The following FAT3 variants were observed in gnomAD, a reference collection of about 807,000 sequenced individuals.
The protein encoded by FAT3 is protocadherin Fat 3.
In FAT3, 95 loss-of-function variants were observed where a neutral mutation model predicts 310.2. That is an observed-to-expected ratio of 0.31 (90% CI 0.26 to 0.36). The LOEUF is 0.36. Among genes scored for constraint, FAT3 ranks in the 10% least tolerant of loss-of-function variants. FAT3 has a pLI of 1.00. For synonymous variants in FAT3, 2,314 were observed against 2,192.9 expected, an observed-to-expected ratio of 1.06 and a Z score of -1.54; for missense variants, 5,408 against 5,715.6, an observed-to-expected ratio of 0.95 and a Z score of 1.74.
chr11:92,757,620 A>T (rs1253087359), intron 4 of FAT3, among the ~76,000 whole-genome samples: 2 of 152,194 alleles, frequency 1.3e-5, no homozygotes, highest in Non-Finnish European at 1.5e-5. Context: ...TGATTCCATT[A>T]ATCATTGTTG....
At chr11:92,803,420 C>A (rs745453288) in intron 10 of FAT3, among the ~76,000 whole-genome samples, 6 of 152,182 alleles carry the variant, frequency 3.9e-5, no homozygotes, top group Non-Finnish European at 8.8e-5. Context: ...TTTTATGTAA[C>A]AAAAGAACAC....
intron 3 of FAT3, among the ~76,000 whole-genome samples, chr11:92,632,487 C>T (rs1054420738): frequency 2.0e-5 from 3 of 152,220 alleles, no homozygotes; most frequent in Non-Finnish European, 2.9e-5. Flanking sequence ...GGATAATCAC[C>T]ACCTGAAAAT....
At chr11:92,372,820 C>T (rs1207769313) in intron 2 of FAT3, among the ~76,000 whole-genome samples, 1 of 151,998 alleles carries the variant, frequency 6.6e-6, no homozygotes, top group Non-Finnish European at 1.5e-5. Flanking sequence ...GCCACCACGC[C>T]CGGCTAATTT....
At position 92,355,752 on chromosome 11, in the gene FAT3, T is replaced by C. The variant is rs377496886; in HGVS notation, c.3292+348T>C. On this transcript the variant is annotated intron_variant, in intron 2 of 27. Transcript: ENST00000525166. ...AAATGAAGGACTCTGATAAAGTAAA[T>C]TACATTTGAATTGGCTTTAAGTTAG... 2.6e-5 allele frequency among the ~76,000 whole-genome samples: 4 copies of C among 152,336 alleles called. No individual in the cohort carries two copies. The East Asian group carries it at 7.7e-4, about 29-fold the overall frequency.
At chr11:92,705,644 T>TAG (rs145584143) in intron 4 of FAT3, among the ~76,000 whole-genome samples, 1 of 124 alleles carries the variant, frequency 8.1e-3, no homozygotes, top group Admixed American at 0.071. Flanking sequence ...GTGATGGTGG[T>TAG]TGGTGGTGTG....
chr11:92,769,168 C>G, intron 6 of FAT3, among the ~76,000 whole-genome samples: 1 of 152,152 alleles, frequency 6.6e-6, no homozygotes, highest in East Asian at 1.9e-4. Context: ...TCTTGTGCCT[C>G]CAAGGAGACC....
chr11:92,370,524 T>TGG lies in FAT3; in HGVS notation c.3292+15120_3292+15121insGG, dbSNP rs1949156384. ...TTCTTTCTTACACCTTGAGGATACT[T>TGG]CTAATAGAATATTTGGTTAATAAAG... On this transcript the variant is annotated intron_variant, in intron 2 of 27. Transcript: ENST00000525166. 2.6e-5 allele frequency among the ~76,000 whole-genome samples: 4 copies of TGG among 152,318 alleles called. No homozygotes were observed. The South Asian group carries it at 8.3e-4, about 32-fold the overall frequency.
At chr11:92,320,795 A>C (rs1021861281) in intron 1 of FAT3, among the ~76,000 whole-genome samples, 1 of 150,134 alleles carries the variant, frequency 6.7e-6, no homozygotes, top group Non-Finnish European at 1.5e-5. Flanking sequence ...ACTTGAACCC[A>C]GGAGGCAGAG....
chr11:92,763,342 AT>A (rs1946211456), intron 5 of FAT3, among the ~76,000 whole-genome samples: 1 of 152,118 alleles, frequency 6.6e-6, no homozygotes, highest in African/African-American at 2.4e-5. Flanking sequence ...GAGAAAAAAA[AT>A]ATAGTAAAAC....
At chr11:92,366,538 T>G in intron 2 of FAT3, 2 of 493,110 alleles carry the variant, frequency 4.1e-6, no homozygotes, top group South Asian at 3.1e-5. Context: ...CTTCCATGGC[T>G]TTACCGATCA....
chr11:92,578,172 A>G (rs1056719030), intron 3 of FAT3, among the ~76,000 whole-genome samples: 1 of 151,908 alleles, frequency 6.6e-6, no homozygotes, highest in African/African-American at 2.4e-5. Context: ...GAAAGTAACA[A>G]TTTGAGTTTT....
chr11:92,563,963 A>T (rs1955334668), intron 3 of FAT3, among the ~76,000 whole-genome samples: 1 of 152,140 alleles, frequency 6.6e-6, no homozygotes, highest in Non-Finnish European at 1.5e-5. Flanking sequence ...CGAGACTAGG[A>T]AGAAACTGCA....
At chr11:92,474,995 G>T (rs182794448) in intron 2 of FAT3, among the ~76,000 whole-genome samples, 1 of 152,176 alleles carries the variant, frequency 6.6e-6, no homozygotes, top group East Asian at 1.9e-4. Flanking sequence ...TGGGCACATT[G>T]CCCTTCCCAC....
intron 4 of FAT3, among the ~76,000 whole-genome samples, chr11:92,704,610 TAC>T (rs1360910460): frequency 6.6e-6 from 1 of 152,096 alleles, no homozygotes; most frequent in Admixed American, 6.6e-5. Flanking sequence ...CACAGATATG[TAC>T]AGAGGGAAGG....
chr11:92,285,883 G>C (rs553138626), intron 1 of FAT3, among the ~76,000 whole-genome samples: 33 of 152,224 alleles, frequency 2.2e-4, no homozygotes, highest in African/African-American at 7.7e-4. Context: ...TGTATATTTT[G>C]TTTTCTAGAA....
chr11:92,569,992 T>C (rs796459770), intron 3 of FAT3, among the ~76,000 whole-genome samples: 21 of 152,316 alleles, frequency 1.4e-4, no homozygotes, highest in African/African-American at 5.1e-4. Context: ...GTATGTATTC[T>C]TTCATTGTCT....
chr11:92,792,745 ACTT>A lies in FAT3; in HGVS notation c.4612-18_4612-16del, dbSNP rs1565597114. 6.2e-6 allele frequency: 10 copies of A among 1,610,214 alleles called. No individual in the cohort carries two copies. The South Asian group carries it at 1.1e-4, about 18-fold the overall frequency. On this transcript the variant is annotated intron_variant, in intron 8 of 27. Coordinates refer to ENST00000525166, the MANE Select transcript of FAT3 (RefSeq NM_001367949.2). ...TGCAATTTAAAATTTGAGTCCCACCACTTCTTGTATTTTGCCTAAAGGTCAGAG... is the reference window on the plus strand; with the variant it reads ...TGCAATTTAAAATTTGAGTCCCACCACTTGTATTTTGCCTAAAGGTCAGAG...
At chr11:92,829,719 A>G (rs1444761928) in intron 13 of FAT3, among the ~76,000 whole-genome samples, 1 of 152,224 alleles carries the variant, frequency 6.6e-6, no homozygotes, top group Non-Finnish European at 1.5e-5. Flanking sequence ...CCCAGCATCA[A>G]TAAAATCACA....
At chr11:92,784,251 G>C (rs901856623) in intron 7 of FAT3, among the ~76,000 whole-genome samples, 17 of 152,210 alleles carry the variant, frequency 1.1e-4, no homozygotes, top group African/African-American at 4.1e-4. Context: ...ACAAGTACAA[G>C]CTGATGTGAT....
Sources: gnomAD v4.1 joint callset for allele counts (sites outside exome capture counted in the v4.1 genomes callset) on GRCh38, gnomAD v4.1.1 for gene constraint, MANE v1.5 for transcripts, NCBI Gene and HGNC (gene_info 2026-07-23, HGNC 2026-07-21) for gene names.